HIBADH: variants seen among roughly 807,000 people sequenced by gnomAD.
HIBADH encodes the protein 3-hydroxyisobutyrate dehydrogenase, also known as 3-hydroxyisobutyrate dehydrogenase, mitochondrial.
HIBADH carries 25 observed loss-of-function variants against 36.1 expected under a neutral mutation model. That is an observed-to-expected ratio of 0.69 (90% CI 0.50 to 0.97). The LOEUF (loss-of-function observed/expected upper bound fraction) is 0.97. Ranked by LOEUF, HIBADH falls within the 50% of genes least tolerant of loss-of-function variation. The pLI, the probability that HIBADH is intolerant of heterozygous loss-of-function variation, is 0.00. For synonymous variants in HIBADH, 160 were observed against 149.5 expected, an observed-to-expected ratio of 1.07 and a Z score of -0.51; for missense variants, 421 against 418.0, an observed-to-expected ratio of 1.01 and a Z score of -0.06.
chr7:27,660,885 G>A (rs1477239778), intron 1 of HIBADH, among the ~76,000 whole-genome samples: 6 of 152,086 alleles, frequency 3.9e-5, no homozygotes, highest in Non-Finnish European at 8.8e-5. Context: ...TTAGGCCTCA[G>A]GCTCTTTCAC....
intron 2 of HIBADH, among the ~76,000 whole-genome samples, chr7:27,645,354 G>A (rs1786043494): frequency 8.9e-6 from 1 of 111,774 alleles, no homozygotes. Context: ...TAGTGGGTGT[G>A]TCTCATGGTT....
chr7:27,607,256 C>T (rs1197029347), intron 4 of HIBADH, among the ~76,000 whole-genome samples: 1 of 63,020 alleles, frequency 1.6e-5, no homozygotes, highest in Non-Finnish European at 2.9e-5. Context: ...CCTATAATCC[C>T]GACACTTTTG....
intron 4 of HIBADH, among the ~76,000 whole-genome samples, chr7:27,556,038 G>A (rs1186019910): frequency 6.6e-6 from 1 of 152,004 alleles, no homozygotes; most frequent in Non-Finnish European, 1.5e-5. Flanking sequence ...ATACAGAAAG[G>A]ATTTTAACTT....
chr7:27,526,017 GA>G lies in HIBADH; in HGVS notation c.*196del, dbSNP rs1229244312. 1.0e-5 allele frequency: 4 copies of G among 396,542 alleles called. No individual in the cohort carries two copies. Among genetic ancestry groups the G allele is most frequent in the Non-Finnish European group, 1.3e-5 (3 of 232,264 alleles). 24.6% of individuals were successfully genotyped at this position (396,542 alleles called of 1,614,324 possible). A position where few individuals can be genotyped will look rare whatever the true frequency, so the allele number is the denominator to read the frequency against. Reference sequence around the variant, plus strand: ...TAGCAGAGACTATCAGTGGCTTGCAGAAAAAAAATTCGGATAATATGTTTGT... The same window carrying G: ...TAGCAGAGACTATCAGTGGCTTGCAGAAAAAAATTCGGATAATATGTTTGT... On this transcript the variant is annotated 3_prime_UTR_variant, in exon 8 of 8. Coordinates refer to ENST00000265395, the MANE Select transcript of HIBADH (RefSeq NM_152740.4).
intron 4 of HIBADH, among the ~76,000 whole-genome samples, chr7:27,616,182 G>A (rs895798081): frequency 2.6e-5 from 4 of 151,690 alleles, no homozygotes; most frequent in African/African-American, 9.7e-5. Flanking sequence ...AAGGGGAAGG[G>A]GCCAGACTCA....
At chr7:27,605,721 T>A (rs560100394) in intron 4 of HIBADH, among the ~76,000 whole-genome samples, 1 of 152,108 alleles carries the variant, frequency 6.6e-6, no homozygotes, top group Non-Finnish European at 1.5e-5. Context: ...AAACAAATAT[T>A]TAGAGTTTAG....
chr7:27,560,694 G>C (rs564227656), intron 4 of HIBADH, among the ~76,000 whole-genome samples: 1 of 152,178 alleles, frequency 6.6e-6, no homozygotes, highest in East Asian at 1.9e-4. Context: ...ATTCCATTAC[G>C]TGCATATACC....
intron 4 of HIBADH, among the ~76,000 whole-genome samples, chr7:27,605,591 A>C (rs1258723358): frequency 1.9e-5 from 2 of 107,876 alleles, no homozygotes; most frequent in African/African-American, 3.3e-5. Flanking sequence ...ACAAGCAAAA[A>C]AAAAAAAAAA....
At chr7:27,595,376 G>A (rs1202778436) in intron 4 of HIBADH, among the ~76,000 whole-genome samples, 1 of 152,016 alleles carries the variant, frequency 6.6e-6, no homozygotes, top group Non-Finnish European at 1.5e-5. Flanking sequence ...AAATTAGCCA[G>A]GCATTGTGGT....
At chr7:27,616,806 A>G (rs1785437901) in intron 4 of HIBADH, among the ~76,000 whole-genome samples, 1 of 151,960 alleles carries the variant, frequency 6.6e-6, no homozygotes, top group Non-Finnish European at 1.5e-5. Flanking sequence ...GTAAAAAAAA[A>G]AAAATTTTTA....
At chr7:27,578,200 CTTTT>C (rs573536601) in intron 4 of HIBADH, among the ~76,000 whole-genome samples, 18 of 151,912 alleles carry the variant, frequency 1.2e-4, no homozygotes, top group African/African-American at 4.3e-4. Flanking sequence ...CTAAGAGAAT[CTTTT>C]TTTTGAAGAT....
intron 3 of HIBADH, 123 bp from the exon 4 acceptor site, chr7:27,629,615 T>A (rs1785712060): frequency 8.9e-6 from 5 of 564,822 alleles, no homozygotes; most frequent in Admixed American, 3.8e-5. Flanking sequence ...AGTTTAGTAT[T>A]AAAAACATTA....
chr7:27,642,478 T>C lies in HIBADH; in HGVS notation c.252+6995A>G, dbSNP rs573583882. ...TGTTTTATTTCCCAACAGCATTAGG[T>C]AAACTACTAGACATTTGGTAGTTAC... On this transcript the variant is annotated intron_variant, in intron 2 of 7. Transcript: ENST00000265395. Among the ~76,000 whole-genome samples the C allele has an allele frequency of 1.2e-4, 18 of 152,292 alleles. No homozygotes were observed. The South Asian group carries it at 3.5e-3, about 30-fold the overall frequency.
chr7:27,595,373 C>T (rs1277081290), intron 4 of HIBADH, among the ~76,000 whole-genome samples: 1 of 151,980 alleles, frequency 6.6e-6, no homozygotes, highest in Non-Finnish European at 1.5e-5. Context: ...CAAAAATTAG[C>T]CAGGCATTGT....
In HIBADH at chr7:27,629,167, CTTT is replaced by C. The variant is rs371619368; in HGVS notation, c.484+201_484+203del. Among the ~76,000 whole-genome samples the C allele has an allele frequency of 6.9e-3, 1,048 of 151,982 alleles. 5 individuals carry two copies. The highest frequency in any genetic ancestry group is 0.011 in the Non-Finnish European group (765 of 67,918). ...TTCACAACACTTCAAAGTTATGACACTTTTTTATCTGAATTTAAGACTAACAAT... is the reference window on the plus strand; with the variant it reads ...TTCACAACACTTCAAAGTTATGACACTTTATCTGAATTTAAGACTAACAAT... On this transcript the variant is annotated intron_variant, in intron 4 of 7. Coordinates refer to ENST00000265395, the MANE Select transcript of HIBADH (RefSeq NM_152740.4).
At chr7:27,625,621 C>T (rs776137948) in intron 4 of HIBADH, among the ~76,000 whole-genome samples, 7 of 151,886 alleles carry the variant, frequency 4.6e-5, no homozygotes, top group Non-Finnish European at 7.4e-5. Context: ...GTAGGGGGTA[C>T]GTATTAGTTC....
intron 4 of HIBADH, among the ~76,000 whole-genome samples, chr7:27,564,140 TG>T (rs528967519): frequency 6.6e-6 from 1 of 152,214 alleles, no homozygotes; most frequent in South Asian, 2.1e-4. Context: ...CCTTGTGATC[TG>T]CCCGCCTCAG....
intron 4 of HIBADH, among the ~76,000 whole-genome samples, chr7:27,580,983 T>C (rs1367101647): frequency 6.6e-6 from 1 of 152,154 alleles, no homozygotes. Flanking sequence ...GTGGAAGTTC[T>C]TTCACGACTG....
At chr7:27,657,605 G>A (rs1786331016) in intron 1 of HIBADH, among the ~76,000 whole-genome samples, 1 of 152,094 alleles carries the variant, frequency 6.6e-6, no homozygotes, top group Non-Finnish European at 1.5e-5. Flanking sequence ...ACATGAATGT[G>A]AATGAAGATA....
Sources: gnomAD v4.1 joint callset for allele counts (sites outside exome capture counted in the v4.1 genomes callset) on GRCh38, gnomAD v4.1.1 for gene constraint, MANE v1.5 for transcripts, NCBI Gene and HGNC (gene_info 2026-07-23, HGNC 2026-07-21) for gene names.